The following ARSG variants were observed in gnomAD, a reference collection of about 807,000 sequenced individuals.
The protein encoded by ARSG is ASG.
ARSG carries 37 observed loss-of-function variants against 50.5 expected under a neutral mutation model. That is an observed-to-expected ratio of 0.73 (90% CI 0.56 to 0.96). The LOEUF (loss-of-function observed/expected upper bound fraction) is 0.96, where lower values mean the gene tolerates loss of function less well. Ranked by LOEUF, ARSG falls within the 50% of genes least tolerant of loss-of-function variation. The pLI, the probability that ARSG is intolerant of heterozygous loss-of-function variation, is 0.00. For synonymous variants in ARSG, 225 were observed against 254.6 expected, an observed-to-expected ratio of 0.88 and a Z score of 1.11; for missense variants, 629 against 675.3, an observed-to-expected ratio of 0.93 and a Z score of 0.76.
intron 2 of ARSG, among the ~76,000 whole-genome samples, chr17:68,313,915 G>A (rs572783203): frequency 2.0e-5 from 3 of 152,152 alleles, no homozygotes; most frequent in Admixed American, 6.5e-5. Context: ...CTGACCTCAA[G>A]TGATTCACCT....
chr17:68,320,229 G>A lies in ARSG; in HGVS notation c.218+12518G>A, dbSNP rs1456355138. On this transcript the variant is annotated intron_variant, in intron 2 of 11. Coordinates refer to ENST00000621439, the MANE Select transcript of ARSG (RefSeq NM_001267727.2). ...GCTTAGAACCTGGGAGTTGGAGGTT[G>A]CAGTGAGCCGAGATCGTGCCACTGC... Among the ~76,000 whole-genome samples, 4 of 151,704 alleles carry A rather than the reference G, an allele frequency of 2.6e-5. No homozygotes were observed. The East Asian group carries it at 7.8e-4, about 30-fold the overall frequency.
chr17:68,446,466 G>A, the ARSG span, among the ~76,000 whole-genome samples: 5,477 of 152,230 alleles, frequency 0.036, 336 homozygotes, highest in African/African-American at 0.13. Context: ...ACAAGCATGA[G>A]CTACTGTGCC....
chr17:68,380,653 G>A (rs1200735774), intron 8 of ARSG, among the ~76,000 whole-genome samples: 6 of 152,114 alleles, frequency 3.9e-5, no homozygotes, highest in Admixed American at 2.6e-4. Flanking sequence ...TACTAAATGT[G>A]TCTTAATTAA....
intron 1 of ARSG, among the ~76,000 whole-genome samples, chr17:68,284,085 T>A (rs1555753702): frequency 8.7e-6 from 1 of 115,028 alleles, no homozygotes; most frequent in South Asian, 2.7e-4. Context: ...AATAGAGCAA[T>A]AGAGTGAGAC....
intron 9 of ARSG, among the ~76,000 whole-genome samples, chr17:68,390,218 C>T (rs2080929045): frequency 6.6e-6 from 1 of 152,038 alleles, no homozygotes; most frequent in Non-Finnish European, 1.5e-5. Flanking sequence ...GAACTCCTGA[C>T]CTCAGATGAT....
chr17:68,287,929 TCTC>T (rs1464649511), upstream of ARSG, among the ~76,000 whole-genome samples: 89 of 151,422 alleles, frequency 5.9e-4, no homozygotes, highest in Middle Eastern at 0.014. Context: ...TCTTTTCTCT[TCTC>T]TTCTTCTCTT....
At chr17:68,434,658 C>T in the ARSG span, 1 of 1,610,314 alleles carries the variant, frequency 6.2e-7, no homozygotes, top group Non-Finnish European at 8.5e-7. Context: ...CATTTCATAA[C>T]CATTAGTGGC....
At chr17:68,354,300 A>G (rs1259333224) in intron 5 of ARSG, among the ~76,000 whole-genome samples, 1 of 151,714 alleles carries the variant, frequency 6.6e-6, no homozygotes, top group Non-Finnish European at 1.5e-5. Context: ...CCATGCCTGT[A>G]GTCCCAGCTA....
chr17:68,297,720 G>T (rs2076257870), intron 1 of ARSG, among the ~76,000 whole-genome samples: 1 of 152,176 alleles, frequency 6.6e-6, no homozygotes, highest in African/African-American at 2.4e-5. Context: ...TCCTGTCTCG[G>T]CATCCCAGAG....
chr17:68,416,193 G>A (rs2082354737), intron 11 of ARSG, among the ~76,000 whole-genome samples: 1 of 152,134 alleles, frequency 6.6e-6, no homozygotes, highest in African/African-American at 2.4e-5. Flanking sequence ...AAGATTTAGA[G>A]CTCCTTTTAG....
chr17:68,429,010 C>T, the ARSG span: 1 of 1,132,870 alleles, frequency 8.8e-7, no homozygotes, highest in East Asian at 2.5e-5. Flanking sequence ...TGACAAAGCC[C>T]CCCTCACCCT....
At chr17:68,302,050 G>A (rs138375844) in intron 1 of ARSG, among the ~76,000 whole-genome samples, 7 of 152,228 alleles carry the variant, frequency 4.6e-5, no homozygotes, top group African/African-American at 1.4e-4. Flanking sequence ...GTGAGGGCAG[G>A]GACTTTTGTC....
chr17:68,333,239 G>A (rs890110849), intron 2 of ARSG, among the ~76,000 whole-genome samples: 1 of 152,136 alleles, frequency 6.6e-6, no homozygotes, highest in Admixed American at 6.5e-5. Context: ...GGAGAATGGC[G>A]TGAACGTGGG....
chr17:68,317,247 G>A (rs558501613), intron 2 of ARSG, among the ~76,000 whole-genome samples: 6 of 152,194 alleles, frequency 3.9e-5, no homozygotes, highest in African/African-American at 1.4e-4. Flanking sequence ...ATAAAATAGG[G>A]ATTATGGCCT....
At chr17:68,427,830 T>C in the ARSG span, among the ~76,000 whole-genome samples, 362 of 152,316 alleles carry the variant, frequency 2.4e-3, 1 homozygote, top group African/African-American at 8.4e-3. Context: ...TCTGGTGCCC[T>C]GGCCACAGCA....
the ARSG span, chr17:68,450,723 C>A: frequency 6.2e-7 from 1 of 1,603,960 alleles, no homozygotes; most frequent in Non-Finnish European, 8.5e-7. Flanking sequence ...GATTTCCCCA[C>A]TTACTTGCCG....
intron 4 of ARSG, among the ~76,000 whole-genome samples, chr17:68,349,155 C>T (rs1403512337): frequency 6.6e-6 from 1 of 151,950 alleles, no homozygotes; most frequent in African/African-American, 2.4e-5. Flanking sequence ...AAAATTAGCT[C>T]AGCACAGTGG....
intron 1 of ARSG, among the ~76,000 whole-genome samples, chr17:68,285,346 G>T (rs111527797): frequency 0.015 from 2,249 of 152,304 alleles, 31 homozygotes; most frequent in Middle Eastern, 0.031. Context: ...GGAGTGCAGT[G>T]GCACGATCAT....
chr17:68,421,756 C>T, downstream of ARSG: 1 of 1,614,188 alleles, frequency 6.2e-7, no homozygotes, highest in Non-Finnish European at 8.5e-7. Context: ...GTCCTGATTT[C>T]TGAGGTGTGC....
Sources: allele counts gnomAD v4.1 joint callset (sites outside exome capture counted in the v4.1 genomes callset), GRCh38; gene constraint gnomAD v4.1.1; transcripts MANE v1.5; gene names NCBI Gene and HGNC (gene_info 2026-07-23, HGNC 2026-07-21).